Variants in SPATA17 observed in about 807,000 individuals in gnomAD.
SPATA17 encodes spermatogenesis associated 17, also known as spermatogenesis-associated protein 17.
A neutral mutation model predicts 62.2 loss-of-function variants in SPATA17; 53 were observed. The ratio of observed to expected loss-of-function variants is 0.85; its 90% confidence interval spans 0.68 to 1.07. SPATA17 has a LOEUF of 1.07. Among genes scored for constraint, SPATA17 ranks in the 50% least tolerant of loss-of-function variants. The pLI is 0.00. For synonymous variants in SPATA17, 146 were observed against 146.8 expected (o/e 0.99, Z 0.04); for missense variants, 466 against 425.5 (o/e 1.10, Z -0.84).
At chr1:217,815,814 G>A (rs1303853447) in intron 9 of SPATA17, among the ~76,000 whole-genome samples, 1 of 152,164 alleles carries the variant, frequency 6.6e-6, no homozygotes, top group South Asian at 2.1e-4. Flanking sequence ...GGAGTGGACT[G>A]CTCTACAGAT....
intron 10 of SPATA17, 114 bp downstream of exon 10, chr1:217,862,970 T>C: frequency 1.7e-6 from 1 of 583,366 alleles, no homozygotes; most frequent in Non-Finnish European, 2.9e-6. Context: ...AATAATATTT[T>C]ATGTAATAAG....
chr1:217,868,448 C>T lies in SPATA17; in HGVS notation c.*1429C>T, dbSNP rs1307152769. On this transcript the variant is annotated 3_prime_UTR_variant, in exon 11 of 11. Transcript: ENST00000366933. ...TTAATACAGCTAACTTACCAGACAG[C>T]TTAGCTTAGCCTCACCTACCTTAAA... The T allele has an allele frequency of 6.6e-6, 1 of 152,072 alleles. No homozygotes were observed. Among genetic ancestry groups the T allele is most frequent in the African/African-American group, 2.4e-5 (1 of 41,406 alleles). 9.4% of individuals were successfully genotyped at this position (152,072 alleles called of 1,614,324 possible). A position where few individuals can be genotyped will look rare whatever the true frequency, so the allele number is the denominator to read the frequency against.
At chr1:217,642,588 G>A (rs1289797901) in intron 1 of SPATA17, among the ~76,000 whole-genome samples, 2 of 152,188 alleles carry the variant, frequency 1.3e-5, no homozygotes, top group Non-Finnish European at 2.9e-5. Context: ...ACGTGTTGAA[G>A]GGCTGATCTG....
chr1:217,690,866 C>A (rs1671337521), intron 5 of SPATA17, among the ~76,000 whole-genome samples: 2 of 145,256 alleles, frequency 1.4e-5, no homozygotes, highest in Non-Finnish European at 3.0e-5. Context: ...ATATGTGCCA[C>A]ATTTTCTTAA....
intron 9 of SPATA17, among the ~76,000 whole-genome samples, chr1:217,860,966 C>CTT (rs1355599459): frequency 5.3e-5 from 8 of 152,190 alleles, no homozygotes; most frequent in African/African-American, 1.9e-4. Flanking sequence ...TTCTTTCACT[C>CTT]AGCATATCAA....
chr1:217,820,293 T>A (rs763986602), intron 9 of SPATA17, among the ~76,000 whole-genome samples: 1 of 151,974 alleles, frequency 6.6e-6, no homozygotes, highest in Non-Finnish European at 1.5e-5. Flanking sequence ...TTTTAAGAAG[T>A]TTTCTCTGGA....
chr1:217,813,812 G>A (rs77597810), intron 9 of SPATA17, among the ~76,000 whole-genome samples: 9,240 of 151,904 alleles, frequency 0.061, 387 homozygotes, highest in East Asian at 0.14. Flanking sequence ...ATTTGTATAT[G>A]CATATATTTA....
intron 7 of SPATA17, among the ~76,000 whole-genome samples, chr1:217,776,218 T>TAAA (rs1673585516): frequency 6.6e-6 from 1 of 152,012 alleles, no homozygotes; most frequent in African/African-American, 2.4e-5. Flanking sequence ...TAGAGTGGGG[T>TAAA]GGGGTGAATG....
At chr1:217,865,599 T>A (rs1052697815) in intron 10 of SPATA17, among the ~76,000 whole-genome samples, 32 of 152,222 alleles carry the variant, frequency 2.1e-4, no homozygotes, top group Admixed American at 2.0e-4. Flanking sequence ...TTGGTCTAAA[T>A]CAGTGTGTTG....
chr1:217,806,402 C>T (rs1004750294), intron 9 of SPATA17, among the ~76,000 whole-genome samples: 2 of 152,110 alleles, frequency 1.3e-5, no homozygotes, highest in African/African-American at 2.4e-5. Context: ...TAGAAGGAAA[C>T]GGTCCTGCTC....
intron 5 of SPATA17, among the ~76,000 whole-genome samples, chr1:217,712,653 A>G (rs953121380): frequency 6.6e-6 from 1 of 152,032 alleles, no homozygotes; most frequent in African/African-American, 2.4e-5. Flanking sequence ...AGCAATTTTT[A>G]ACTTTCATGA....
chr1:217,816,062 C>T (rs2102994373), intron 9 of SPATA17, among the ~76,000 whole-genome samples: 1 of 151,638 alleles, frequency 6.6e-6, no homozygotes, highest in South Asian at 2.1e-4. Context: ...TGGTTATTCT[C>T]AGTGGTTTTT....
chr1:217,682,301 T>C (rs1420170817), intron 4 of SPATA17, among the ~76,000 whole-genome samples: 1 of 151,810 alleles, frequency 6.6e-6, no homozygotes, highest in South Asian at 2.1e-4. Flanking sequence ...TTCCTGGGGT[T>C]GTATAAGATA....
At chr1:217,656,253 G>A (rs1670438836) in intron 3 of SPATA17, among the ~76,000 whole-genome samples, 1 of 152,194 alleles carries the variant, frequency 6.6e-6, no homozygotes, top group Middle Eastern at 3.4e-3. Flanking sequence ...TAGTCACCTT[G>A]GAATGTGTAT....
At position 217,780,881 on chromosome 1, in the gene SPATA17, G is replaced by T. The variant is rs538044466; in HGVS notation, c.724-1293G>T. On this transcript the variant is annotated intron_variant, in intron 7 of 10. Coordinates refer to ENST00000366933, the MANE Select transcript of SPATA17 (RefSeq NM_138796.4). ...GAACATCGGCATAGAGAAATACTTT[G>T]CTCCTTGTCATAAAACCAAATATTA... Among the ~76,000 whole-genome samples the T allele has an allele frequency of 1.1e-4, 17 of 151,896 alleles. No homozygotes were observed. The East Asian group carries it at 3.3e-3, about 29-fold the overall frequency.
In SPATA17 at chr1:217,845,074, C is replaced by G. The variant is rs929200901; in HGVS notation, c.1006-17700C>G. On this transcript the variant is annotated intron_variant, in intron 9 of 10. Transcript: ENST00000366933. Reference sequence around the variant, plus strand: ...TTATTGTTTCTATGTATATCTGGTCCTCTTATTTTAGCCTCTTTTATTCTT... The same window carrying G: ...TTATTGTTTCTATGTATATCTGGTCGTCTTATTTTAGCCTCTTTTATTCTT... Among the ~76,000 whole-genome samples, 4 of 151,918 alleles carry G rather than the reference C, an allele frequency of 2.6e-5. No homozygotes were observed. In the East Asian group the frequency reaches 5.8e-4, roughly 22 times the overall value.
chr1:217,793,942 C>A (rs369871597), intron 8 of SPATA17, among the ~76,000 whole-genome samples: 1 of 151,776 alleles, frequency 6.6e-6, no homozygotes, highest in Non-Finnish European at 1.5e-5. Context: ...GGTGAAACCC[C>A]GTCTTTACTA....
intron 3 of SPATA17, among the ~76,000 whole-genome samples, chr1:217,657,823 A>G (rs957175605): frequency 6.6e-6 from 1 of 152,192 alleles, no homozygotes; most frequent in Non-Finnish European, 1.5e-5. Flanking sequence ...TGCTGATAAA[A>G]ACATACCTGA....
At chr1:217,704,230 CTTTTTTTTTT>C (rs560591615) in intron 5 of SPATA17, among the ~76,000 whole-genome samples, 19 of 41,712 alleles carry the variant, frequency 4.6e-4, no homozygotes, top group African/African-American at 1.1e-3. Flanking sequence ...TTCCCTCTAC[CTTTTTTTTTT>C]TTTTTTTTTT....
Sources: allele counts gnomAD v4.1 joint callset (sites outside exome capture counted in the v4.1 genomes callset), GRCh38; gene constraint gnomAD v4.1.1; transcripts MANE v1.5; gene names NCBI Gene and HGNC (gene_info 2026-07-23, HGNC 2026-07-21).